Variants in CEP170 observed in about 807,000 individuals in gnomAD.
CEP170 encodes centrosomal protein of 170 kDa.
Under a neutral mutation model 151.9 loss-of-function variants are expected in CEP170, and 21 were observed. The ratio of observed to expected loss-of-function variants is 0.14; its 90% CI spans 0.10 to 0.20. The LOEUF (loss-of-function observed/expected upper bound fraction) is 0.20, where lower values mean the gene tolerates loss of function less well. Ranked by LOEUF, CEP170 falls within the 10% of genes least tolerant of loss-of-function variation. The pLI, the probability that CEP170 is intolerant of heterozygous loss-of-function variation, is 1.00. For synonymous variants in CEP170, 356 were observed against 648.8 expected, an observed-to-expected ratio of 0.55 and a Z score of 6.86; for missense variants, 964 against 1,892.9, an observed-to-expected ratio of 0.51 and a Z score of 9.11.
chr1:243,196,880 T>C (rs1344323978), intron 7 of CEP170, among the ~76,000 whole-genome samples: 2 of 152,096 alleles, frequency 1.3e-5, no homozygotes, highest in African/African-American at 4.8e-5. Flanking sequence ...TCATTTAATG[T>C]ATGTGTGTAT....
intron 1 of CEP170, among the ~76,000 whole-genome samples, chr1:243,244,192 A>G (rs1347495546): frequency 6.6e-6 from 1 of 152,252 alleles, no homozygotes; most frequent in African/African-American, 2.4e-5. Context: ...ATAAATGGCT[A>G]GGTATGTGAT....
chr1:243,253,273 G>A (rs780517471), intron 1 of CEP170: 8 of 152,130 alleles, frequency 5.3e-5, no homozygotes, highest in Non-Finnish European at 8.8e-5. Context: ...GATTAATCAC[G>A]GTGAGAATCA....
intron 1 of CEP170, among the ~76,000 whole-genome samples, chr1:243,227,266 C>CAAA (rs34323706): frequency 6.8e-6 from 1 of 146,570 alleles, no homozygotes; most frequent in East Asian, 2.0e-4. Flanking sequence ...TATCATTGGT[C>CAAA]AAAAAAAAAA....
At chr1:243,170,507 G>A (rs1410162833) in intron 11 of CEP170, among the ~76,000 whole-genome samples, 2 of 152,102 alleles carry the variant, frequency 1.3e-5, no homozygotes, top group African/African-American at 4.8e-5. Context: ...AGAATAGTAA[G>A]TACAGGCCAG....
At chr1:243,129,969 C>T (rs1162988436) in intron 17 of CEP170, among the ~76,000 whole-genome samples, 1 of 151,808 alleles carries the variant, frequency 6.6e-6, no homozygotes, top group East Asian at 1.9e-4. Context: ...TCTTACTGTG[C>T]CTAATTTATA....
intron 4 of CEP170, among the ~76,000 whole-genome samples, chr1:243,203,745 T>G (rs1295902651): frequency 6.6e-6 from 1 of 152,124 alleles, no homozygotes; most frequent in East Asian, 1.9e-4. Context: ...CCAAAAATGT[T>G]TCCTTTTCAT....
intron 7 of CEP170, among the ~76,000 whole-genome samples, chr1:243,193,814 G>A: frequency 6.6e-6 from 1 of 151,650 alleles, no homozygotes; most frequent in East Asian, 1.9e-4. Flanking sequence ...TCAGTCTGTA[G>A]TCCTCATTTT....
chr1:243,252,228 A>C (rs1455782370), intron 1 of CEP170, among the ~76,000 whole-genome samples: 2 of 152,194 alleles, frequency 1.3e-5, no homozygotes, highest in Non-Finnish European at 2.9e-5. Flanking sequence ...GCAACTGTAC[A>C]GATACTTTAG....
At chr1:243,163,125 A>G (rs1319136541) in intron 13 of CEP170, 1 of 152,254 alleles carries the variant, frequency 6.6e-6, no homozygotes, top group South Asian at 2.1e-4. Context: ...GAAAAGAGGA[A>G]GAAAAGTGAA....
At chr1:243,231,522 T>C (rs2063757942) in intron 1 of CEP170, among the ~76,000 whole-genome samples, 1 of 152,170 alleles carries the variant, frequency 6.6e-6, no homozygotes. Context: ...CTGGAAAGTA[T>C]AAAGGTGTAA....
chr1:243,178,883 G>GA (rs1553360918), intron 10 of CEP170, among the ~76,000 whole-genome samples: 1 of 151,508 alleles, frequency 6.6e-6, no homozygotes, highest in African/African-American at 2.4e-5. Flanking sequence ...ATGCCCTGCT[G>GA]TTTTTTTTGT....
intron 4 of CEP170, chr1:243,211,406 A>G (rs2061794203): frequency 6.5e-6 from 1 of 153,580 alleles, no homozygotes; most frequent in East Asian, 1.9e-4. Context: ...AGGATATTGA[A>G]AAGTTTGAAT....
At chr1:243,215,994 T>G (rs2062246311) in intron 3 of CEP170, among the ~76,000 whole-genome samples, 1 of 151,082 alleles carries the variant, frequency 6.6e-6, no homozygotes, top group Admixed American at 6.6e-5. Context: ...TTATCGGGGG[T>G]AGGTTCCCCT....
Position 243,142,452 on chromosome 1 carries a change from T to C in CEP170, c.3923A>G (p.Asp1308Gly), listed in dbSNP as rs1306737559. Residue 1308 changes from aspartate to glycine, a missense_variant, in exon 15 of 20, where the codon GAT becomes GGT. Transcript: ENST00000366542. ...GATCTCCCGAGCAATGAGAGCAAGA[T>C]CTTGGCTGATCCTGGTAATAATTTT... is the stretch of plus-strand genomic sequence containing the variant. ...HREEIARISQ[D>G]LALIAREIND... 1.3e-6 allele frequency: 2 copies of C among 1,527,646 alleles called. No individual in the cohort carries two copies. The highest frequency in any genetic ancestry group is 4.6e-5 in the East Asian group (2 of 43,602). 94.6% of individuals were successfully genotyped at this position (1,527,646 alleles called of 1,614,324 possible).
chr1:243,184,018 T>C (rs957300350), intron 10 of CEP170, among the ~76,000 whole-genome samples: 19 of 152,278 alleles, frequency 1.2e-4, no homozygotes, highest in Middle Eastern at 3.4e-3. Context: ...GTCACTTCCA[T>C]TGTGGTTTTA....
chr1:243,164,219 A>T lies in CEP170; in HGVS notation c.3676+65T>A, dbSNP rs562536954. ...AACTAGAACCTTACTTTTTTTTTTA[A>T]AAAAAAAAAGGAGCCCCCAAATATA... On this transcript the variant is annotated intron_variant, in intron 13 of 19. Transcript: ENST00000366542. 5,223 of 1,207,522 alleles carry T rather than the reference A, an allele frequency of 4.3e-3. 18 individuals carry two copies. Among genetic ancestry groups the T allele is most frequent in the African/African-American group, 0.011 (728 of 64,184 alleles). 74.8% of individuals were successfully genotyped at this position (1,207,522 alleles called of 1,614,324 possible). A position where few individuals can be genotyped will look rare whatever the true frequency, so the allele number is the denominator to read the frequency against.
intron 14 of CEP170, among the ~76,000 whole-genome samples, chr1:243,152,855 G>A (rs544915541): frequency 6.6e-6 from 1 of 152,316 alleles, no homozygotes; most frequent in East Asian, 1.9e-4. Flanking sequence ...AGCAGAAAAT[G>A]TATTCCTTTA....
In CEP170 at chr1:243,200,840, A is replaced by G; in HGVS notation, c.275-5T>C. On this transcript the variant is annotated splice_region_variant and splice_polypyrimidine_tract_variant and intron_variant, in intron 4 of 19. Coordinates refer to ENST00000366542, the MANE Select transcript of CEP170 (RefSeq NM_014812.3). Reference sequence around the variant, plus strand: ...CTACAGTGAAAAGATTTGTATGTAAACGGGGCTAAGGAAGAATATAACCTC... The same window carrying G: ...CTACAGTGAAAAGATTTGTATGTAAGCGGGGCTAAGGAAGAATATAACCTC... 6.2e-7 allele frequency: 1 copy of G among 1,610,074 alleles called. No homozygotes were observed. The highest frequency in any genetic ancestry group is 8.5e-7 in the Non-Finnish European group (1 of 1,178,582).
In CEP170 at chr1:243,169,727, GT is replaced by G. The variant is rs1286389723; in HGVS notation, c.1743del (p.Lys581AsnfsTer23). The G allele has an allele frequency of 6.2e-7, 1 of 1,613,386 alleles. No homozygotes were observed. Among genetic ancestry groups the G allele is most frequent in the Non-Finnish European group, 8.5e-7 (1 of 1,179,648 alleles). On this transcript the variant is annotated frameshift_variant, in exon 12 of 20. Transcript: ENST00000366542. LOFTEE classifies it high-confidence loss of function. ...AAACTAGCCCACTGTGAAACCCAACGTTTGCTTCCAGATGAAGATGTGCCTT... is the reference window on the plus strand; with the variant it reads ...AAACTAGCCCACTGTGAAACCCAACGTTGCTTCCAGATGAAGATGTGCCTT... ...SEEGTSSSGS[K>X]RWVSQWASLA...
Sources: gnomAD v4.1 joint callset for allele counts (sites outside exome capture counted in the v4.1 genomes callset) on GRCh38, gnomAD v4.1.1 for gene constraint, MANE v1.5 for transcripts, NCBI Gene and HGNC (gene_info 2026-07-23, HGNC 2026-07-21) for gene names.